Variants in LRRC37A2 observed in about 807,000 individuals in gnomAD.
LRRC37A2 encodes the protein leucine rich repeat containing 37 member A2.
LRRC37A2 carries 9 observed loss-of-function variants against 68.8 expected under a neutral mutation model. The ratio of observed to expected loss-of-function variants is 0.13; its 90% confidence interval spans 0.08 to 0.23. The LOEUF (loss-of-function observed/expected upper bound fraction) is 0.23. LRRC37A2 is among the 10% of genes least tolerant of loss of function. The pLI, the probability that LRRC37A2 is intolerant of heterozygous loss-of-function variation, is 1.00. For missense variants in LRRC37A2, 168 were observed against 950.4 expected, an observed-to-expected ratio of 0.18 and a Z score of 10.82; for synonymous variants, 63 against 367.6, an observed-to-expected ratio of 0.17 and a Z score of 9.48.
the LRRC37A2 span, among the ~76,000 whole-genome samples, chr17:46,992,580 C>G: frequency 6.6e-6 from 1 of 151,418 alleles, no homozygotes; most frequent in South Asian, 2.1e-4. Context: ...AGGCCAGGTG[C>G]GGTGGCTCAT....
At chr17:46,975,005 T>C in the LRRC37A2 span, among the ~76,000 whole-genome samples, 1 of 99,600 alleles carries the variant, frequency 1.0e-5, no homozygotes, top group Admixed American at 9.7e-5. Context: ...TTTTTTTTTT[T>C]TTTTTTTTAT....
At chr17:46,753,300 G>A in the LRRC37A2 span, among the ~76,000 whole-genome samples, 1 of 152,162 alleles carries the variant, frequency 6.6e-6, no homozygotes, top group Non-Finnish European at 1.5e-5. Context: ...ATCTGAAATA[G>A]GCTCTTGGAC....
the LRRC37A2 span, among the ~76,000 whole-genome samples, chr17:46,495,642 C>T: frequency 6.0e-5 from 9 of 150,918 alleles, no homozygotes; most frequent in African/African-American, 2.2e-4. Flanking sequence ...GCCTTGGCCT[C>T]CCAAAGTGAT....
At chr17:46,477,538 G>A in the LRRC37A2 span, among the ~76,000 whole-genome samples, 2 of 64,500 alleles carry the variant, frequency 3.1e-5, no homozygotes, top group Admixed American at 1.5e-4. Flanking sequence ...GCGAGATTCC[G>A]TCTCCAAAAA....
chr17:46,535,036 C>A (rs2054451181), intron 6 of LRRC37A2, among the ~76,000 whole-genome samples: 1 of 149,716 alleles, frequency 6.7e-6, no homozygotes, highest in Non-Finnish European at 1.5e-5. Flanking sequence ...GCGCTCCTCA[C>A]ATCCCAGACG....
chr17:46,416,388 C>T, the LRRC37A2 span, among the ~76,000 whole-genome samples: 2 of 17,542 alleles, frequency 1.1e-4, no homozygotes, highest in Admixed American at 4.1e-4. Context: ...CAGGTTCAAG[C>T]GATTCTCCTG....
At chr17:46,712,508 G>C in the LRRC37A2 span, among the ~76,000 whole-genome samples, 1 of 152,170 alleles carries the variant, frequency 6.6e-6, no homozygotes, top group East Asian at 1.9e-4. Flanking sequence ...GAACACTAAT[G>C]GAAAGCAGAT....
chr17:47,023,124 A>AT, the LRRC37A2 span, among the ~76,000 whole-genome samples: 4 of 152,042 alleles, frequency 2.6e-5, no homozygotes, highest in African/African-American at 9.7e-5. Context: ...CTAAATGTGA[A>AT]TTTTTCTGAT....
At chr17:46,857,574 G>C in the LRRC37A2 span, among the ~76,000 whole-genome samples, 4 of 152,074 alleles carry the variant, frequency 2.6e-5, no homozygotes, top group Non-Finnish European at 4.4e-5. Context: ...CTTTTTGTGG[G>C]TGTATGTTTT....
the LRRC37A2 span, among the ~76,000 whole-genome samples, chr17:46,811,692 C>T: frequency 1.6e-4 from 25 of 152,212 alleles, no homozygotes; most frequent in Non-Finnish European, 2.9e-4. Flanking sequence ...CGGTGGCTCA[C>T]GCCTATAATC....
At chr17:46,940,207 AT>A in the LRRC37A2 span, 1 of 1,400,136 alleles carries the variant, frequency 7.1e-7, no homozygotes, top group Admixed American at 3.0e-5. Flanking sequence ...AGTTTTCTTA[AT>A]TGTCATAGAT....
the LRRC37A2 span, chr17:46,978,735 C>CAGGA: frequency 6.2e-7 from 1 of 1,612,468 alleles, no homozygotes; most frequent in South Asian, 1.1e-5. Flanking sequence ...ACTTGATGAG[C>CAGGA]AGGTTGCAGC....
At chr17:46,914,834 C>T in the LRRC37A2 span, among the ~76,000 whole-genome samples, 1 of 152,246 alleles carries the variant, frequency 6.6e-6, no homozygotes, top group East Asian at 1.9e-4. Flanking sequence ...CAAGGTCCAG[C>T]TGAAATCACA....
At chr17:46,839,437 T>TTTTTTCTCA in the LRRC37A2 span, among the ~76,000 whole-genome samples, 11 of 152,342 alleles carry the variant, frequency 7.2e-5, no homozygotes, top group Non-Finnish European at 1.3e-4. Context: ...GTATGGTAGC[T>TTTTTTCTCA]GCCACTGGGC....
At chr17:46,877,243 C>T in the LRRC37A2 span, among the ~76,000 whole-genome samples, 1 of 152,226 alleles carries the variant, frequency 6.6e-6, no homozygotes, top group Admixed American at 6.5e-5. Context: ...ACCTCCACCA[C>T]TCCCCTGGTT....
At chr17:46,386,155 G>A in the LRRC37A2 span, among the ~76,000 whole-genome samples, 5 of 119,462 alleles carry the variant, frequency 4.2e-5, no homozygotes, top group East Asian at 1.1e-3. Context: ...CCGGAGTGCA[G>A]TAGTGTGAAC....
chr17:46,810,837 G>A, the LRRC37A2 span, among the ~76,000 whole-genome samples: 1 of 152,090 alleles, frequency 6.6e-6, no homozygotes, highest in East Asian at 1.9e-4. Context: ...AACAGTTCAG[G>A]AAGTTGCCTA....
At chr17:46,834,494 G>T in the LRRC37A2 span, among the ~76,000 whole-genome samples, 2 of 152,186 alleles carry the variant, frequency 1.3e-5, no homozygotes, top group African/African-American at 2.4e-5. Flanking sequence ...CTTTACAACA[G>T]GGGGTACGGA....
chr17:46,786,495 G>A, the LRRC37A2 span, among the ~76,000 whole-genome samples: 20 of 152,356 alleles, frequency 1.3e-4, 1 homozygote, highest in Admixed American at 8.5e-4. Flanking sequence ...ACCCCAGAGC[G>A]TCTCCCTGAG....
Sources: gnomAD v4.1 joint callset for allele counts (sites outside exome capture counted in the v4.1 genomes callset) on GRCh38, gnomAD v4.1.1 for gene constraint, MANE v1.5 for transcripts, NCBI Gene and HGNC (gene_info 2026-07-23, HGNC 2026-07-21) for gene names.